COQ10B: variants seen among roughly 807,000 people sequenced by gnomAD.
COQ10B encodes coenzyme Q-binding protein COQ10 homolog B, mitochondrial.
In COQ10B, 12 loss-of-function variants were observed where a neutral mutation model predicts 27.6. The observed-to-expected ratio is 0.43, with a 90% CI of 0.28 to 0.70. COQ10B has a LOEUF of 0.70. Among genes scored for constraint, COQ10B ranks in the 30% least tolerant of loss-of-function variants. The pLI, the probability that COQ10B is intolerant of heterozygous loss-of-function variation, is 0.17. For synonymous variants in COQ10B, 115 were observed against 103.0 expected (o/e 1.12, Z -0.71); for missense variants, 278 against 288.7 (o/e 0.96, Z 0.27).
intron 3 of COQ10B, among the ~76,000 whole-genome samples, chr2:197,466,520 C>T (rs2085826242): frequency 6.6e-6 from 1 of 152,202 alleles, no homozygotes; most frequent in African/African-American, 2.4e-5. Context: ...TTTTTCATCT[C>T]TGTAACCTCA....
chr2:197,473,272 G>T (rs1327024342), intron 4 of COQ10B, among the ~76,000 whole-genome samples: 1 of 150,824 alleles, frequency 6.6e-6, no homozygotes, highest in Non-Finnish European at 1.5e-5. Context: ...AATCTTTCTG[G>T]CTGGGCACAG....
chr2:197,467,466 C>T (rs1449221511), intron 3 of COQ10B, among the ~76,000 whole-genome samples: 1 of 152,036 alleles, frequency 6.6e-6, no homozygotes, highest in African/African-American at 2.4e-5. Flanking sequence ...CAACCTCTGC[C>T]TCCTAGGTTC....
At position 197,462,644 on chromosome 2, in the gene COQ10B, T is replaced by C; in HGVS notation, c.360T>C (p.Tyr120=). 1 of 1,603,160 alleles carries C rather than the reference T, an allele frequency of 6.2e-7. No individual in the cohort carries two copies. The highest frequency in any genetic ancestry group is 8.5e-7 in the Non-Finnish European group (1 of 1,174,130). The part of the protein sequence containing the change: ...KSDVISKRSG[Y]CKTRLEIGFP... ...ATGTTATATCAAAGAGATCTGGATA[T>C]TGTAAAACAAGATTAGAAATTGGAT... Residue 120 remains tyrosine, a synonymous_variant, in exon 3 of 5, where the codon TAT becomes TAC. Coordinates refer to ENST00000263960, the MANE Select transcript of COQ10B (RefSeq NM_025147.5).
At chr2:197,457,510 T>C (rs1197575590) in intron 1 of COQ10B, among the ~76,000 whole-genome samples, 2 of 152,182 alleles carry the variant, frequency 1.3e-5, no homozygotes, top group African/African-American at 4.8e-5. Flanking sequence ...CCATCTTGCT[T>C]TTTTATATTT....
chr2:197,453,758 G>A, intron 1 of COQ10B, 94 bp downstream of exon 1: 1 of 1,185,194 alleles, frequency 8.4e-7, no homozygotes, highest in South Asian at 1.3e-5. Flanking sequence ...GGCAGAGCCG[G>A]ACTCGGTGCA....
At chr2:197,467,438 C>T (rs769950913) in intron 3 of COQ10B, among the ~76,000 whole-genome samples, 5 of 151,706 alleles carry the variant, frequency 3.3e-5, no homozygotes, top group African/African-American at 7.3e-5. Flanking sequence ...AGTGCAATGG[C>T]GCAATCTCAG....
chr2:197,460,204 C>A, intron 2 of COQ10B, 123 bp downstream of exon 2: 1 of 595,990 alleles, frequency 1.7e-6, no homozygotes, highest in Non-Finnish European at 2.6e-6. Context: ...CTAGGTTGGC[C>A]TTTTTCTTTT....
At chr2:197,455,707 C>T (rs1380105134) in intron 1 of COQ10B, among the ~76,000 whole-genome samples, 34 of 149,008 alleles carry the variant, frequency 2.3e-4, no homozygotes, top group Admixed American at 2.3e-3. Context: ...CACCTGTAAT[C>T]CCAACACTTT....
intron 2 of COQ10B, 50 bp from the exon 3 acceptor site, chr2:197,462,489 T>C (rs767851844): frequency 1.9e-5 from 18 of 927,898 alleles, no homozygotes; most frequent in Non-Finnish European, 2.5e-5. Flanking sequence ...ATGCATATAT[T>C]ATATAACTAG....
At position 197,462,742 on chromosome 2, in the gene COQ10B, T is replaced by A. The variant is rs777127343; in HGVS notation, c.447+11T>A. 2 of 1,409,790 alleles carry A rather than the reference T, an allele frequency of 1.4e-6. No individual in the cohort carries two copies. The highest frequency in any genetic ancestry group is 5.0e-5 in the East Asian group (2 of 39,626). The allele number at this position is 1,409,790 out of a possible 1,614,324, so 87.3% of individuals were successfully genotyped here. ...CCTCATTTAGTAAAGGTAACAGTTT[T>A]GTTTTTTGTTGTTTTTAAATATTCT... is the stretch of plus-strand genomic sequence containing the variant. On this transcript the variant is annotated intron_variant, in intron 3 of 4. Coordinates refer to ENST00000263960, the MANE Select transcript of COQ10B (RefSeq NM_025147.5).
chr2:197,473,878 C>A lies in COQ10B; in HGVS notation c.671C>A (p.Thr224Lys). Residue 224 changes from threonine to lysine, a missense_variant, in exon 5 of 5, where the codon ACA becomes AAA. Transcript: ENST00000263960. Reference protein sequence around the residue: ...RRACKLYGPETNIPRELMLHE... With the variant: ...RRACKLYGPEKNIPRELMLHE... ...GCATGTAAGCTGTATGGTCCAGAAACAAATATACCTCGGGAGTTAATGCTT... is the reference window on the plus strand; with the variant it reads ...GCATGTAAGCTGTATGGTCCAGAAAAAAATATACCTCGGGAGTTAATGCTT... The A allele has an allele frequency of 1.3e-6, 2 of 1,592,142 alleles. No homozygotes were observed. Among genetic ancestry groups the A allele is most frequent in the Non-Finnish European group, 1.7e-6 (2 of 1,166,636 alleles).
intron 3 of COQ10B, among the ~76,000 whole-genome samples, chr2:197,465,804 G>A (rs1305984642): frequency 2.0e-5 from 3 of 152,004 alleles, no homozygotes; most frequent in African/African-American, 7.2e-5. Flanking sequence ...CAAACAAACA[G>A]GCTGGATGTG....
intron 4 of COQ10B, among the ~76,000 whole-genome samples, chr2:197,471,106 A>T (rs1026419992): frequency 2.0e-5 from 3 of 151,802 alleles, no homozygotes; most frequent in Non-Finnish European, 4.4e-5. Context: ...AAGGTAATAT[A>T]TTTTTTTCAT....
At chr2:197,473,447 TA>T (rs1559296082) in intron 4 of COQ10B, among the ~76,000 whole-genome samples, 1 of 57,290 alleles carries the variant, frequency 1.7e-5, no homozygotes, top group Non-Finnish European at 4.1e-5. Flanking sequence ...TATATACACA[TA>T]TATACATATA....
In COQ10B at chr2:197,460,051, G is replaced by C. The variant is rs757612479; in HGVS notation, c.224G>C (p.Arg75Thr). 5 of 1,608,894 alleles carry C rather than the reference G, an allele frequency of 3.1e-6. No individual in the cohort carries two copies. Among genetic ancestry groups the C allele is most frequent in the Non-Finnish European group, 4.2e-6 (5 of 1,177,232 alleles). Residue 75 changes from arginine (R) to threonine (T), a missense_variant, in exon 2 of 5, where the codon AGG becomes ACG. Coordinates refer to ENST00000263960, the MANE Select transcript of COQ10B (RefSeq NM_025147.5). ...FKITAPLINK[R>T]KEYSERRILG... ...ATCACTGCACCATTAATAAACAAAA[G>C]GAAAGAATATTCAGAGAGAAGAATT...
rs1400586479 is a variant in COQ10B at position 197,453,853 on chromosome 2, G to C, written c.104+189G>C. 5.8e-6 allele frequency: 7 copies of C among 1,215,068 alleles called. No individual in the cohort carries two copies. The African/African-American group carries it at 1.1e-4, about 18-fold the overall frequency. The allele number at this position is 1,215,068 out of a possible 1,614,324, so 75.3% of individuals were successfully genotyped here. On this transcript the variant is annotated intron_variant, in intron 1 of 4. Transcript: ENST00000263960. Reference sequence around the variant, plus strand: ...GCGGCGCGCATCACCTTGGGCCCAAGGCTGTGTTCGTGGCTCGTTTGCCTC... The same window carrying C: ...GCGGCGCGCATCACCTTGGGCCCAACGCTGTGTTCGTGGCTCGTTTGCCTC...
Position 197,453,681 on chromosome 2 carries a change from G to T in COQ10B, c.104+17G>T. 1 of 1,601,308 alleles carries T rather than the reference G, an allele frequency of 6.2e-7. No individual in the cohort carries two copies. Among genetic ancestry groups the T allele is most frequent in the Non-Finnish European group, 8.6e-7 (1 of 1,168,710 alleles). Reference sequence around the variant, plus strand: ...GAATGGCAGGTAATCAACAGCGGGGGCGCTGAGACGAGAGTAGTTTTCGAT... The same window carrying T: ...GAATGGCAGGTAATCAACAGCGGGGTCGCTGAGACGAGAGTAGTTTTCGAT... On this transcript the variant is annotated intron_variant, in intron 1 of 4. Coordinates refer to ENST00000263960, the MANE Select transcript of COQ10B (RefSeq NM_025147.5).
At chr2:197,453,929 T>C in intron 1 of COQ10B, 25 of 1,542,386 alleles carry the variant, frequency 1.6e-5, no homozygotes, top group Non-Finnish European at 2.1e-5. Context: ...AATTTGGCCA[T>C]TGGTGCCTTT....
intron 1 of COQ10B, among the ~76,000 whole-genome samples, chr2:197,455,941 G>A (rs1397797714): frequency 6.6e-6 from 1 of 152,026 alleles, no homozygotes; most frequent in Non-Finnish European, 1.5e-5. Context: ...CGTGGGTGAT[G>A]GAGTGAGACC....
Sources: gnomAD v4.1 joint callset for allele counts (sites outside exome capture counted in the v4.1 genomes callset) on GRCh38, gnomAD v4.1.1 for gene constraint, MANE v1.5 for transcripts, NCBI Gene and HGNC (gene_info 2026-07-23, HGNC 2026-07-21) for gene names.